PARD6G: variants seen among roughly 807,000 people sequenced by gnomAD.
PARD6G encodes partitioning defective 6 homolog gamma.
Under a neutral mutation model 10.7 loss-of-function variants are expected in PARD6G, and 7 were observed. The ratio of observed to expected loss-of-function variants is 0.66; its 90% CI spans 0.37 to 1.23. The LOEUF (loss-of-function observed/expected upper bound fraction) is 1.23. PARD6G is among the 50% of genes most tolerant of loss of function. The probability of loss-of-function intolerance (pLI) is 0.02; values close to 1 mark genes in which losing one functional copy is unlikely to be tolerated. For missense variants in PARD6G, 548 were observed against 571.8 expected (o/e 0.96, Z 0.42); for synonymous variants, 287 against 269.4 (o/e 1.07, Z -0.64).
rs2052819079 is a variant in PARD6G at position 80,177,351 on chromosome 18, CAT to C, written c.296-16747_296-16746del. ...AAGCGCACACACACACATACACACA[CAT>C]ACACATGTACACACACACACACACA... is the stretch of plus-strand genomic sequence containing the variant. On this transcript the variant is annotated intron_variant, in intron 2 of 2. Coordinates refer to ENST00000353265, the MANE Select transcript of PARD6G (RefSeq NM_032510.4). Among the ~76,000 whole-genome samples the C allele has an allele frequency of 3.5e-5, 5 of 144,284 alleles. No homozygotes were observed. In the South Asian group the frequency reaches 1.1e-3, roughly 32 times the overall value. 94.7% of individuals were successfully genotyped at this position (144,284 alleles called of 152,430 possible). A position where few individuals can be genotyped will look rare whatever the true frequency, so the allele number is the denominator to read the frequency against.
Position 80,174,885 on chromosome 18 carries a change from C to T in PARD6G, c.296-14279G>A, listed in dbSNP as rs1045304437. ...AGGAGAATGGCGTGAACCCGGGAGGCGGAGAGTGAGCCGAGATTGTACCAC... is the reference window on the plus strand; with the variant it reads ...AGGAGAATGGCGTGAACCCGGGAGGTGGAGAGTGAGCCGAGATTGTACCAC... On this transcript the variant is annotated intron_variant, in intron 2 of 2. Transcript: ENST00000353265. 3.9e-5 allele frequency among the ~76,000 whole-genome samples: 6 copies of T among 152,020 alleles called. No individual in the cohort carries two copies. In the East Asian group the frequency reaches 5.8e-4, roughly 15 times the overall value.
chr18:80,232,796 G>A (rs923332868), intron 1 of PARD6G, among the ~76,000 whole-genome samples: 1 of 152,202 alleles, frequency 6.6e-6, no homozygotes, highest in African/African-American at 2.4e-5. Context: ...AGAGGCTCAG[G>A]CAGCTGAGGA....
intron 1 of PARD6G, among the ~76,000 whole-genome samples, chr18:80,210,259 A>ATTT: frequency 6.6e-6 from 1 of 152,390 alleles, no homozygotes; most frequent in Non-Finnish European, 1.5e-5. Context: ...CTGCTTATCC[A>ATTT]TTAAAGACAG....
rs748700945 is a variant in PARD6G, at chr18:80,159,888, G to A, written c.1014C>T (p.Asp338=). Residue 338 remains aspartate (D), a synonymous_variant, in exon 3 of 3, where the codon GAC becomes GAT. Transcript: ENST00000353265. ...GCTGGAGGCCGCCGTCCAGGGCCAG[G>A]TCCCGCTGCAGCCGCTGCGCCAGGC... ...GAGLAQRLQR[D]LALDGGLQRL... is the part of the protein sequence containing the mutation. The A allele has an allele frequency of 2.0e-6, 3 of 1,514,992 alleles. No homozygotes were observed. Among genetic ancestry groups the A allele is most frequent in the South Asian group, 2.5e-5 (2 of 80,888 alleles). The allele number at this position is 1,514,992 out of a possible 1,614,324, so 93.8% of individuals were successfully genotyped here.
At chr18:80,238,608 G>GA (rs1967453752) in intron 1 of PARD6G, among the ~76,000 whole-genome samples, 2 of 152,106 alleles carry the variant, frequency 1.3e-5, no homozygotes, top group African/African-American at 4.8e-5. Flanking sequence ...GTACTCACTA[G>GA]AAAAGGGCAT....
rs1395137536 is a variant in PARD6G at position 80,182,307 on chromosome 18, T to G, written c.295+20403A>C. On this transcript the variant is annotated intron_variant, in intron 2 of 2. Coordinates refer to ENST00000353265, the MANE Select transcript of PARD6G (RefSeq NM_032510.4). The surrounding 1 kb of genome is among the most constrained non-coding windows in gnomAD (Gnocchi z 4.5). ...GGGTGGCAGCTGATGCCTGTGTGCCTGAAGGCAGCTCCTGCCCCCAGTATC... is the reference window on the plus strand; with the variant it reads ...GGGTGGCAGCTGATGCCTGTGTGCCGGAAGGCAGCTCCTGCCCCCAGTATC... Among the ~76,000 whole-genome samples, 1 of 152,198 alleles carries G rather than the reference T, an allele frequency of 6.6e-6. No homozygotes were observed. Among genetic ancestry groups the G allele is most frequent in the Non-Finnish European group, 1.5e-5 (1 of 68,030 alleles).
chr18:80,168,573 TTGTGTGTGTGTGTGTG>T (rs3051500), intron 2 of PARD6G, among the ~76,000 whole-genome samples: 77 of 144,428 alleles, frequency 5.3e-4, no homozygotes, highest in Admixed American at 2.5e-3. Flanking sequence ...CAAATTATGT[TTGTGTGTGTGTGTGTG>T]TGTGTGTGTG....
At chr18:80,165,737 A>AG (rs2052731544) in intron 2 of PARD6G, among the ~76,000 whole-genome samples, 1 of 86,702 alleles carries the variant, frequency 1.2e-5, no homozygotes, top group Non-Finnish European at 3.9e-5. Flanking sequence ...GTTTGTTTTG[A>AG]AAAAACATGG....
chr18:80,216,493 C>A (rs1967168104), intron 1 of PARD6G, among the ~76,000 whole-genome samples: 1 of 151,766 alleles, frequency 6.6e-6, no homozygotes, highest in Non-Finnish European at 1.5e-5. Context: ...CAAATAAGTG[C>A]TAATTAAACA....
At position 80,240,394 on chromosome 18, in the gene PARD6G, T is replaced by G. The variant is rs932424775; in HGVS notation, c.72+6883A>C. ...GCTCAACGGACCATTTCTGAACCAG[T>G]AGCTGTCAGGAAAACCCACTTGTTT... On this transcript the variant is annotated intron_variant, in intron 1 of 2. Transcript: ENST00000353265. Among the ~76,000 whole-genome samples the G allele has an allele frequency of 4.6e-5, 7 of 152,304 alleles. No individual in the cohort carries two copies. The East Asian group carries it at 1.3e-3, about 29-fold the overall frequency.
At position 80,231,040 on chromosome 18, in the gene PARD6G, C is replaced by T. The variant is rs1173783227; in HGVS notation, c.72+16237G>A. Reference sequence around the variant, plus strand: ...AGCTACAGTGATGGGAGAGAGAATTCCAAATGGAAGGTCAGGGACAAGGGG... The same window carrying T: ...AGCTACAGTGATGGGAGAGAGAATTTCAAATGGAAGGTCAGGGACAAGGGG... On this transcript the variant is annotated intron_variant, in intron 1 of 2. Coordinates refer to ENST00000353265, the MANE Select transcript of PARD6G (RefSeq NM_032510.4). This position sits in a 1 kb window ranked among gnomAD's most constrained non-coding sequence, Gnocchi z 4.2. Among the ~76,000 whole-genome samples the T allele has an allele frequency of 6.6e-6, 1 of 152,228 alleles. No homozygotes were observed. Among genetic ancestry groups the T allele is most frequent in the African/African-American group, 2.4e-5 (1 of 41,550 alleles).
intron 1 of PARD6G, among the ~76,000 whole-genome samples, chr18:80,238,288 C>A (rs1465408451): frequency 6.6e-6 from 1 of 151,932 alleles, no homozygotes; most frequent in Non-Finnish European, 1.5e-5. Flanking sequence ...GGGAATTGAA[C>A]AATGAGAACA....
At position 80,246,706 on chromosome 18, in the gene PARD6G, G is replaced by C. The variant is rs1330023871; in HGVS notation, c.72+571C>G. On this transcript the variant is annotated intron_variant, in intron 1 of 2. Transcript: ENST00000353265. This position sits in a 1 kb window ranked among gnomAD's most constrained non-coding sequence, Gnocchi z 6.7. ...CTGGGTCTGGGCCGGGGGAGAGCCGGGTGCGTGCTCTGGGTCTGCGCGGGG... is the reference window on the plus strand; with the variant it reads ...CTGGGTCTGGGCCGGGGGAGAGCCGCGTGCGTGCTCTGGGTCTGCGCGGGG... Among the ~76,000 whole-genome samples the C allele has an allele frequency of 6.6e-6, 1 of 151,978 alleles. No homozygotes were observed. The highest frequency in any genetic ancestry group is 1.5e-5 in the Non-Finnish European group (1 of 67,946).
At position 80,159,949 on chromosome 18, in the gene PARD6G, G is replaced by A. The variant is rs370148912; in HGVS notation, c.953C>T (p.Ala318Val). 5 of 1,493,728 alleles carry A rather than the reference G, an allele frequency of 3.3e-6. No individual in the cohort carries two copies. The highest frequency in any genetic ancestry group is 1.4e-5 in the African/African-American group (1 of 69,550). 92.5% of individuals were successfully genotyped at this position (1,493,728 alleles called of 1,614,324 possible). The change falls in exon 3 of 3, where the codon GCG becomes GTG. Residue 318 changes from alanine (A) to valine (V), a missense_variant. Transcript: ENST00000353265. ...EPARPPQTPG[A>V]PAGSLSRVNG... Reference sequence around the variant, plus strand: ...GACCCGGGAGAGGCTGCCTGCGGGCGCGCCCGGGGTCTGGGGGGGACGTGC... The same window carrying A: ...GACCCGGGAGAGGCTGCCTGCGGGCACGCCCGGGGTCTGGGGGGGACGTGC...
At chr18:80,227,641 T>C (rs1225061148) in intron 1 of PARD6G, among the ~76,000 whole-genome samples, 1 of 152,220 alleles carries the variant, frequency 6.6e-6, no homozygotes, top group Non-Finnish European at 1.5e-5. Flanking sequence ...TGGCAGCCAC[T>C]GGGTCACACA....
intron 2 of PARD6G, among the ~76,000 whole-genome samples, chr18:80,163,693 A>G (rs189180914): frequency 2.0e-5 from 3 of 152,346 alleles, no homozygotes; most frequent in Admixed American, 6.5e-5. Context: ...ACTGTAGGAT[A>G]CAGAGAAGGG....
At chr18:80,219,393 A>G (rs941989159) in intron 1 of PARD6G, among the ~76,000 whole-genome samples, 2 of 152,086 alleles carry the variant, frequency 1.3e-5, no homozygotes, top group Non-Finnish European at 2.9e-5. Flanking sequence ...ATTTTTTAGT[A>G]GAGATGCAGT....
chr18:80,234,925 C>G (rs1355123785), intron 1 of PARD6G, among the ~76,000 whole-genome samples: 4 of 151,782 alleles, frequency 2.6e-5, no homozygotes, highest in African/African-American at 9.7e-5. Context: ...TTTAACACCC[C>G]ACTGTCAACA....
In PARD6G at chr18:80,180,206, C is replaced by T. The variant is rs2145262233; in HGVS notation, c.296-19600G>A. ...GGCTTGGGTGTCCAGGTCCTGAGCT[C>T]ACTCCTGGTGATACACCCTCAGCAG... On this transcript the variant is annotated intron_variant, in intron 2 of 2. Coordinates refer to ENST00000353265, the MANE Select transcript of PARD6G (RefSeq NM_032510.4). The surrounding 1 kb of genome is among the most constrained non-coding windows in gnomAD (Gnocchi z 5.6). 6.6e-6 allele frequency among the ~76,000 whole-genome samples: 1 copy of T among 152,344 alleles called. No homozygotes were observed. The highest frequency in any genetic ancestry group is 1.9e-4 in the East Asian group (1 of 5,194).
Sources: gnomAD v4.1 joint callset for allele counts (sites outside exome capture counted in the v4.1 genomes callset) on GRCh38, gnomAD v4.1.1 for gene constraint, Gnocchi (gnomAD v3.1) non-coding constraint, MANE v1.5 for transcripts, NCBI Gene and HGNC (gene_info 2026-07-23, HGNC 2026-07-21) for gene names.